BICC1: variants seen among roughly 807,000 people sequenced by gnomAD.
The protein encoded by BICC1 is protein bicaudal C homolog 1.
In BICC1, 43 loss-of-function variants were observed where a neutral mutation model predicts 111.0. That is an observed-to-expected ratio of 0.39 (90% CI 0.30 to 0.50). BICC1 has a LOEUF of 0.50. BICC1 is among the 20% of genes least tolerant of loss of function. The probability of loss-of-function intolerance (pLI) is 0.88; values close to 1 mark genes in which losing one functional copy is unlikely to be tolerated. For synonymous variants in BICC1, 467 were observed against 434.4 expected, an observed-to-expected ratio of 1.07 and a Z score of -0.93; for missense variants, 1,091 against 1,203.2, an observed-to-expected ratio of 0.91 and a Z score of 1.38.
chr10:58,689,852 G>T (rs1839860694), intron 2 of BICC1, among the ~76,000 whole-genome samples: 1 of 152,150 alleles, frequency 6.6e-6, no homozygotes. Context: ...TTGGTCAGAT[G>T]GGTAAGGTTT....
intron 3 of BICC1, among the ~76,000 whole-genome samples, chr10:58,709,331 C>A (rs1482792482): frequency 6.6e-6 from 1 of 152,136 alleles, no homozygotes; most frequent in Non-Finnish European, 1.5e-5. Flanking sequence ...CTTTCTGAAC[C>A]TGGCTTATTT....
intron 2 of BICC1, among the ~76,000 whole-genome samples, chr10:58,673,368 A>G (rs1839239013): frequency 6.6e-6 from 1 of 152,150 alleles, no homozygotes; most frequent in African/African-American, 2.4e-5. Flanking sequence ...TTGAATTCCT[A>G]CCATGTGCAA....
At chr10:58,534,147 G>A (rs552616551) in intron 1 of BICC1, among the ~76,000 whole-genome samples, 2 of 151,832 alleles carry the variant, frequency 1.3e-5, no homozygotes, top group South Asian at 4.2e-4. Flanking sequence ...GACAAAAATA[G>A]ACTTTATAGA....
intron 1 of BICC1, among the ~76,000 whole-genome samples, chr10:58,546,529 A>C (rs1306279394): frequency 6.6e-6 from 1 of 152,136 alleles, no homozygotes. Context: ...AGTGTAGGAT[A>C]TATGAAGCCA....
intron 18 of BICC1, 117 bp downstream of exon 18, chr10:58,814,103 T>G: frequency 8.6e-7 from 1 of 1,161,962 alleles, no homozygotes; most frequent in Non-Finnish European, 1.3e-6. Flanking sequence ...GTAATTCACA[T>G]GCCATCTCCT....
chr10:58,746,098 T>C (rs2132625249), intron 3 of BICC1, among the ~76,000 whole-genome samples: 1 of 152,244 alleles, frequency 6.6e-6, no homozygotes, highest in South Asian at 2.1e-4. Context: ...TTTGTAGCAA[T>C]CCAAATTGGC....
intron 2 of BICC1, among the ~76,000 whole-genome samples, chr10:58,632,520 C>G (rs1435514214): frequency 3.3e-5 from 5 of 151,096 alleles, no homozygotes; most frequent in Admixed American, 6.6e-5. Flanking sequence ...TTTTTTTTTC[C>G]CCTATTCTGA....
intron 1 of BICC1, among the ~76,000 whole-genome samples, chr10:58,568,668 G>A (rs190326315): frequency 6.6e-6 from 1 of 152,190 alleles, no homozygotes; most frequent in East Asian, 1.9e-4. Flanking sequence ...ATCCAGCCAG[G>A]GTTTTTAGGT....
At chr10:58,653,927 C>T (rs867528117) in intron 2 of BICC1, among the ~76,000 whole-genome samples, 18 of 150,394 alleles carry the variant, frequency 1.2e-4, no homozygotes, top group Middle Eastern at 3.4e-3. Flanking sequence ...TGAGACTATG[C>T]GGTGTTTGGT....
At chr10:58,693,106 C>G (rs565231367) in intron 2 of BICC1, among the ~76,000 whole-genome samples, 1 of 151,912 alleles carries the variant, frequency 6.6e-6, no homozygotes, top group Non-Finnish European at 1.5e-5. Flanking sequence ...TGAGAACATG[C>G]GGTGTTTGGT....
chr10:58,606,901 A>AT (rs1845233892), intron 1 of BICC1, among the ~76,000 whole-genome samples: 1 of 152,090 alleles, frequency 6.6e-6, no homozygotes, highest in Non-Finnish European at 1.5e-5. Context: ...TTGGTCTTGG[A>AT]TTTTTTAAAA....
chr10:58,723,131 G>T (rs746802845), intron 3 of BICC1, among the ~76,000 whole-genome samples: 1 of 152,164 alleles, frequency 6.6e-6, no homozygotes, highest in Non-Finnish European at 1.5e-5. Flanking sequence ...CCAATAAAAT[G>T]CTTAGCTTTT....
chr10:58,619,589 C>T (rs889867952), intron 1 of BICC1, among the ~76,000 whole-genome samples: 3 of 151,630 alleles, frequency 2.0e-5, no homozygotes, highest in African/African-American at 7.3e-5. Context: ...ATTCTCCTGC[C>T]TCAGCCTCTC....
intron 2 of BICC1, among the ~76,000 whole-genome samples, chr10:58,666,128 G>C (rs139957977): frequency 0.011 from 1,662 of 152,308 alleles, 30 homozygotes; most frequent in African/African-American, 0.038. Context: ...CAGATTCAGA[G>C]ACTCCAGGGG....
intron 2 of BICC1, among the ~76,000 whole-genome samples, chr10:58,626,111 AT>A (rs1233756042): frequency 6.6e-6 from 1 of 152,322 alleles, no homozygotes; most frequent in Non-Finnish European, 1.5e-5. Flanking sequence ...CACAATTCAA[AT>A]TTATAAAAGG....
chr10:58,627,414 G>T, intron 2 of BICC1, among the ~76,000 whole-genome samples: 1 of 152,214 alleles, frequency 6.6e-6, no homozygotes, highest in East Asian at 1.9e-4. Flanking sequence ...TTTGTAAAGT[G>T]TTCTCCCTTT....
intron 3 of BICC1, among the ~76,000 whole-genome samples, chr10:58,738,164 A>G (rs1841534734): frequency 6.6e-6 from 1 of 152,220 alleles, no homozygotes; most frequent in African/African-American, 2.4e-5. Flanking sequence ...GTCCTTGACC[A>G]TGCCTGTGTC....
chr10:58,662,600 G>C (rs1162160799), intron 2 of BICC1, among the ~76,000 whole-genome samples: 1 of 152,136 alleles, frequency 6.6e-6, no homozygotes, highest in East Asian at 1.9e-4. Context: ...CTCTGTCACT[G>C]ATTATCTCGT....
chr10:58,801,045 C>A lies in BICC1; in HGVS notation c.2014C>A (p.His672Asn), dbSNP rs375595338. ...LLQGTKNSHL[H>N]STDRLLSDPE... ...GCAAGGCACGAAAAACTCACACTTA[C>A]AGTATGTATTTTAATCTTTAAAGAG... Residue 672 changes from histidine (H) to asparagine (N), a missense_variant and splice_region_variant, in exon 14 of 21, where the codon CAC becomes AAC. His to Asn is a moderately conservative substitution (Grantham distance 68). Transcript: ENST00000373886. 6.3e-7 allele frequency: 1 copy of A among 1,597,130 alleles called. No homozygotes were observed. The highest frequency in any genetic ancestry group is 2.3e-5 in the East Asian group (1 of 44,186).
Sources: allele counts gnomAD v4.1 joint callset (sites outside exome capture counted in the v4.1 genomes callset), GRCh38; gene constraint gnomAD v4.1.1; transcripts MANE v1.5; gene names NCBI Gene and HGNC (gene_info 2026-07-23, HGNC 2026-07-21).